Variants in IDO2 observed in about 807,000 individuals in gnomAD.
IDO2 encodes the protein indoleamine 2,3-dioxygenase 2, also known as indoleamine 2,3-dioxygenase-like 1 protein.
IDO2 carries 46 observed loss-of-function variants against 45.1 expected under a neutral mutation model. The ratio of observed to expected loss-of-function variants is 1.02; its 90% CI spans 0.80 to 1.30. The LOEUF is 1.30. Ranked by LOEUF, IDO2 falls within the 50% of genes most tolerant of loss-of-function variation. The probability of loss-of-function intolerance (pLI) is 0.00; values close to 1 mark genes in which losing one functional copy is unlikely to be tolerated. For missense variants in IDO2, 544 were observed against 491.8 expected, an observed-to-expected ratio of 1.11 and a Z score of -1.00; for synonymous variants, 218 against 184.9, an observed-to-expected ratio of 1.18 and a Z score of -1.45.
rs545159756 is a variant in IDO2, at chr8:39,982,768, C to T, written c.432C>T (p.Asp144=). Residue 144 remains aspartate, a splice_region_variant and synonymous_variant, in exon 5 of 11, where the codon GAC becomes GAT. Coordinates refer to ENST00000502986, the Ensembl canonical transcript of IDO2. ...CGAACTGGACCAAAAAAGATCCAGACGGGTAAGGAAGGAAGAGAATGCTTT... is the reference window on the plus strand; with the variant it reads ...CGAACTGGACCAAAAAAGATCCAGATGGGTAAGGAAGGAAGAGAATGCTTT... The T allele has an allele frequency of 6.6e-5, 103 of 1,567,632 alleles. No homozygotes were observed. The East Asian group carries it at 9.7e-4, about 15-fold the overall frequency.
At chr8:39,977,628 C>A (rs1808282188) in intron 3 of IDO2, among the ~76,000 whole-genome samples, 1 of 152,320 alleles carries the variant, frequency 6.6e-6, no homozygotes, top group South Asian at 2.1e-4. Flanking sequence ...CTGCAGTGAG[C>A]TATGATTGCT....
chr8:39,986,281 G>C (rs1467111025), intron 6 of IDO2: 1 of 152,206 alleles, frequency 6.6e-6, no homozygotes, highest in Non-Finnish European at 1.5e-5. Context: ...CACATCCTTA[G>C]GCTCCGCTTC....
chr8:39,990,168 C>A (rs529703781), intron 8 of IDO2, among the ~76,000 whole-genome samples: 12 of 152,208 alleles, frequency 7.9e-5, no homozygotes, highest in Admixed American at 2.0e-4. Context: ...TCGCGCGTGC[C>A]CCATCCTGCA....
At chr8:40,013,694 T>G (rs1489861901) in exon 10 of IDO2, 1 of 1,609,064 alleles carries the variant, frequency 6.2e-7, no homozygotes, top group Non-Finnish European at 8.5e-7. Context: ...TCTTAGGCAT[T>G]CGTCATAGCA....
intron 1 of IDO2, among the ~76,000 whole-genome samples, chr8:39,940,606 T>C (rs1045690922): frequency 2.6e-5 from 4 of 152,212 alleles, no homozygotes; most frequent in African/African-American, 9.7e-5. Context: ...AACTCTCTCT[T>C]CTAGCTATTT....
rs540153660 is a variant in IDO2, at chr8:39,981,848, TC to T, written c.316-802del. Among the ~76,000 whole-genome samples the T allele has an allele frequency of 5.8e-4, 89 of 152,248 alleles. 1 individual carries two copies. Among genetic ancestry groups the T allele is most frequent in the Middle Eastern group, 3.4e-3 (1 of 294 alleles). The stretch of plus-strand genomic sequence containing the variant: ...AATCTAGACTCGTTCAGCCTTTACC[TC>T]CGATAGAGAACCTCATACAGCTTTT... On this transcript the variant is annotated intron_variant, in intron 4 of 10. Transcript: ENST00000502986.
chr8:39,940,164 A>C (rs778270780), intron 1 of IDO2, among the ~76,000 whole-genome samples: 8 of 152,198 alleles, frequency 5.3e-5, no homozygotes, highest in Non-Finnish European at 1.0e-4. Context: ...TGCAGGGTAC[A>C]GCCCTGAGTT....
intron 1 of IDO2, among the ~76,000 whole-genome samples, chr8:39,935,862 G>C (rs1413166066): frequency 1.3e-5 from 2 of 152,166 alleles, no homozygotes; most frequent in Admixed American, 1.3e-4. Flanking sequence ...AAAACCTGAA[G>C]TATTTTCAGA....
In IDO2 at chr8:39,939,495, C is replaced by T. The variant is rs542513612; in HGVS notation, c.-18+4277C>T. Among the ~76,000 whole-genome samples the T allele has an allele frequency of 3.2e-4, 43 of 135,836 alleles. 1 individual carries two copies. The highest frequency in any genetic ancestry group is 5.1e-4 in the African/African-American group (18 of 35,022). 89.1% of individuals were successfully genotyped at this position (135,836 alleles called of 152,430 possible). A position where few individuals can be genotyped will look rare whatever the true frequency, so the allele number is the denominator to read the frequency against. ...CCGGGAGGCGGAGGCTGCAGTGAGC[C>T]GATATCGCACCACTGTACTCCAGCC... is the stretch of plus-strand genomic sequence containing the variant. On this transcript the variant is annotated intron_variant, in intron 1 of 10. Coordinates refer to ENST00000502986, the Ensembl canonical transcript of IDO2.
Position 39,950,621 on chromosome 8 carries a change from A to G in IDO2, c.99+1357A>G, listed in dbSNP as rs1807800561. On this transcript the variant is annotated intron_variant, in intron 2 of 10. Coordinates refer to ENST00000502986, the Ensembl canonical transcript of IDO2. ...GCTGTCCAGCCACGAGAGCACACCA[A>G]ACAAAGGAGACAGAGTTATTTATAA... Among the ~76,000 whole-genome samples, 3 of 152,254 alleles carry G rather than the reference A, an allele frequency of 2.0e-5. No individual in the cohort carries two copies. In the South Asian group the frequency reaches 6.2e-4, roughly 31 times the overall value.
At chr8:39,970,273 A>C (rs1169507924) in intron 3 of IDO2, among the ~76,000 whole-genome samples, 1 of 152,268 alleles carries the variant, frequency 6.6e-6, no homozygotes. Flanking sequence ...CCATCTCCAC[A>C]ACATAAAAGT....
chr8:39,968,899 AAAAC>A (rs1563430333), intron 3 of IDO2, among the ~76,000 whole-genome samples: 1 of 151,932 alleles, frequency 6.6e-6, no homozygotes, highest in Non-Finnish European at 1.5e-5. Flanking sequence ...AAAAAAAAAA[AAAAC>A]AAACAACAAC....
Position 39,956,899 on chromosome 8 carries a change from C to T in IDO2, c.100-6709C>T, listed in dbSNP as rs145810305. ...CTCTACTAAAAAGACAAAAATCAGC[C>T]GGACGTGGTGGTATACACCTGTAGT... On this transcript the variant is annotated intron_variant, in intron 2 of 10. Transcript: ENST00000502986. Among the ~76,000 whole-genome samples the T allele has an allele frequency of 3.1e-3, 465 of 151,534 alleles. 5 individuals carry two copies. The highest frequency in any genetic ancestry group is 9.6e-3 in the African/African-American group (395 of 41,338).
intron 1 of IDO2, among the ~76,000 whole-genome samples, chr8:39,938,052 T>A (rs1404715353): frequency 6.6e-6 from 1 of 152,222 alleles, no homozygotes; most frequent in African/African-American, 2.4e-5. Flanking sequence ...TTAAGAACTA[T>A]GGAAAAAGAT....
At chr8:39,965,787 C>G (rs897314184) in intron 3 of IDO2, among the ~76,000 whole-genome samples, 1 of 151,948 alleles carries the variant, frequency 6.6e-6, no homozygotes, top group Admixed American at 6.6e-5. Context: ...CAAGATGTGC[C>G]AAGGATTGCT....
Position 40,007,882 on chromosome 8 carries a change from T to A in IDO2, c.719+2504T>A, listed in dbSNP as rs184806702. 2.0e-3 allele frequency among the ~76,000 whole-genome samples: 298 copies of A among 152,232 alleles called. 2 individuals carry two copies. Among genetic ancestry groups the A allele is most frequent in the Non-Finnish European group, 5.7e-4 (39 of 68,010 alleles). Reference sequence around the variant, plus strand: ...CTTAACTGAAGATCTGGGGAAGAATTCCCTTCAAAACTCATTTAGGTTGTT... The same window carrying A: ...CTTAACTGAAGATCTGGGGAAGAATACCCTTCAAAACTCATTTAGGTTGTT... On this transcript the variant is annotated intron_variant, in intron 9 of 10. Coordinates refer to ENST00000502986, the Ensembl canonical transcript of IDO2.
chr8:39,987,974 T>C lies in IDO2; in HGVS notation c.549+4T>C. On this transcript the variant is annotated splice_donor_region_variant and intron_variant, in intron 7 of 10. Transcript: ENST00000502986. The stretch of plus-strand genomic sequence containing the variant: ...AGAAGCAGTGCCTGGGATAAAGGTA[T>C]CTTCTCACTTGATAGCACCTTTTCT... The C allele has an allele frequency of 6.4e-7, 1 of 1,555,744 alleles. No homozygotes were observed. The highest frequency in any genetic ancestry group is 8.8e-7 in the Non-Finnish European group (1 of 1,132,174).
At chr8:39,939,606 G>A (rs1807613552) in intron 1 of IDO2, among the ~76,000 whole-genome samples, 2 of 143,848 alleles carry the variant, frequency 1.4e-5, no homozygotes, top group South Asian at 2.2e-4. Flanking sequence ...AGAAAATTCC[G>A]TGATTGCAGT....
chr8:39,940,520 A>C (rs1807626814), intron 1 of IDO2, among the ~76,000 whole-genome samples: 1 of 152,224 alleles, frequency 6.6e-6, no homozygotes, highest in Non-Finnish European at 1.5e-5. Context: ...AACAATTCTG[A>C]AGAAATGTTC....
Sources: gnomAD v4.1 joint callset for allele counts (sites outside exome capture counted in the v4.1 genomes callset) on GRCh38, gnomAD v4.1.1 for gene constraint, MANE v1.5 for transcripts, NCBI Gene and HGNC (gene_info 2026-07-23, HGNC 2026-07-21) for gene names.